Variants in S100A13 observed in about 807,000 individuals in gnomAD.
The protein encoded by S100A13 is protein S100-A13.
In S100A13, 6 loss-of-function variants were observed where a neutral mutation model predicts 8.2. The observed-to-expected ratio is 0.73, with a 90% CI of 0.40 to 1.44. The LOEUF is 1.44. S100A13 is among the 40% of genes most tolerant of loss of function. The pLI, the probability that S100A13 is intolerant of heterozygous loss-of-function variation, is 0.02. For missense variants in S100A13, 114 were observed against 113.6 expected (o/e 1.00, Z -0.02); for synonymous variants, 39 against 45.9 (o/e 0.85, Z 0.61).
At chr1:153,623,977 G>C (rs1667444019) in intron 2 of S100A13, among the ~76,000 whole-genome samples, 1 of 152,190 alleles carries the variant, frequency 6.6e-6, no homozygotes, top group Non-Finnish European at 1.5e-5. Flanking sequence ...ATTACAATTA[G>C]AAGCCTTAGA....
At chr1:153,627,656 C>CG (rs1269144083), upstream of S100A13, 1 of 171,334 alleles carries the variant, frequency 5.8e-6, no homozygotes, top group African/African-American at 2.4e-5. Context: ...GGTCTGGACC[C>CG]GGGCTCCCTG....
At chr1:153,619,068 T>G (rs1357613005) in intron 2 of S100A13, 30 bp from the exon 3 acceptor site, 12 of 1,601,838 alleles carry the variant, frequency 7.5e-6, no homozygotes, top group Non-Finnish European at 9.4e-6. Flanking sequence ...AAGGGTAGAG[T>G]TAGAAACTGG....
In S100A13 at chr1:153,619,024, AAG is replaced by A. The variant is rs772924313; in HGVS notation, c.166_167del (p.Leu56Ter). ...LPHLLKDVGS[L>X]DEKMKSLDVN... Reference sequence around the variant, plus strand: ...CATCCAAGCTCTTCATCTTCTCATCAAGAGAGCCCACATCCTGAGGAGACACC... The same window carrying A: ...CATCCAAGCTCTTCATCTTCTCATCAAGAGCCCACATCCTGAGGAGACACC... On this transcript the variant is annotated frameshift_variant, in exon 3 of 3. Coordinates refer to ENST00000476133, the MANE Select transcript of S100A13 (RefSeq NM_001024211.2). LOFTEE classifies it high-confidence loss of function. The A allele has an allele frequency of 6.2e-7, 1 of 1,613,894 alleles. No homozygotes were observed. Among genetic ancestry groups the A allele is most frequent in the Non-Finnish European group, 8.5e-7 (1 of 1,179,874 alleles).
At chr1:153,619,340 G>T (rs1442942019) in intron 2 of S100A13, among the ~76,000 whole-genome samples, 1 of 152,196 alleles carries the variant, frequency 6.6e-6, no homozygotes, top group Non-Finnish European at 1.5e-5. Flanking sequence ...AAGCTGGAAA[G>T]AAATCCACAC....
intron 2 of S100A13, among the ~76,000 whole-genome samples, chr1:153,621,483 A>G (rs1169135107): frequency 1.3e-5 from 2 of 150,916 alleles, no homozygotes. Flanking sequence ...ACATTATAAA[A>G]TGTTACTGGC....
At chr1:153,627,947 G>C, upstream of S100A13, 2 of 1,312,976 alleles carry the variant, frequency 1.5e-6, no homozygotes, top group Non-Finnish European at 2.1e-6. Context: ...CCCAGGCTGA[G>C]GCCCCACACA....
chr1:153,628,608 C>G, upstream of S100A13: 1 of 1,463,220 alleles, frequency 6.8e-7, no homozygotes, highest in Non-Finnish European at 9.1e-7. Context: ...CACTGAGGAT[C>G]TGGGAGGAGT....
At chr1:153,633,822 C>G (rs1338516688), upstream of S100A13, 3 of 152,356 alleles carry the variant, frequency 2.0e-5, no homozygotes, top group East Asian at 5.8e-4. Context: ...ATAACTACCC[C>G]CAAGAGGTTG....
upstream of S100A13, chr1:153,631,669 A>C (rs751459782): frequency 6.2e-7 from 1 of 1,612,964 alleles, no homozygotes; most frequent in African/African-American, 1.3e-5. Flanking sequence ...TTCCCTATAC[A>C]CCTCCCTCTT....
At chr1:153,630,716 G>T (rs1393518256), upstream of S100A13, 2 of 1,594,720 alleles carry the variant, frequency 1.3e-6, no homozygotes, top group Admixed American at 1.7e-5. Flanking sequence ...GGGGGAATGG[G>T]GTGGACACCC....
upstream of S100A13, chr1:153,631,988 C>T (rs1358354067): frequency 2.4e-5 from 19 of 785,280 alleles, no homozygotes; most frequent in South Asian, 5.6e-5. Context: ...GCAAGAGTAG[C>T]GGTCCAAGCC....
upstream of S100A13, chr1:153,630,594 G>C: frequency 1.2e-6 from 2 of 1,614,258 alleles, no homozygotes; most frequent in Non-Finnish European, 1.7e-6. Context: ...CAAAGAGGGG[G>C]ACAAGTACAA....
intron 2 of S100A13, among the ~76,000 whole-genome samples, chr1:153,620,073 G>A (rs918720848): frequency 6.6e-6 from 1 of 152,050 alleles, no homozygotes; most frequent in Admixed American, 6.6e-5. Context: ...GATCACTTGA[G>A]GTCAGGAGTT....
chr1:153,628,299 C>T, upstream of S100A13: 1 of 1,513,914 alleles, frequency 6.6e-7, no homozygotes, highest in Non-Finnish European at 8.9e-7. Context: ...CTGTTCCAGC[C>T]CAGGAGACAG....
upstream of S100A13, chr1:153,630,707 G>A (rs186211126): frequency 2.9e-5 from 47 of 1,603,518 alleles, no homozygotes; most frequent in Non-Finnish European, 2.6e-5. Flanking sequence ...GTGAAGGTTG[G>A]GGGAATGGGG....
upstream of S100A13, chr1:153,631,739 G>A (rs1668020283): frequency 6.2e-7 from 1 of 1,614,122 alleles, no homozygotes; most frequent in Non-Finnish European, 8.5e-7. Flanking sequence ...TGATGAAGGA[G>A]CTAGACGAGA....
At chr1:153,633,822 C>T (rs1338516688), upstream of S100A13, 1 of 152,238 alleles carries the variant, frequency 6.6e-6, no homozygotes, top group African/African-American at 2.4e-5. Flanking sequence ...ATAACTACCC[C>T]CAAGAGGTTG....
intron 2 of S100A13, among the ~76,000 whole-genome samples, chr1:153,622,008 C>T (rs1302610423): frequency 2.6e-5 from 4 of 152,064 alleles, no homozygotes; most frequent in African/African-American, 7.2e-5. Context: ...ACACAGGCAT[C>T]GCATGAAGTG....
At chr1:153,630,563 C>T (rs765754648), upstream of S100A13, 32 of 1,614,144 alleles carry the variant, frequency 2.0e-5, no homozygotes, top group East Asian at 4.5e-5. Flanking sequence ...CCCTCATCAA[C>T]GTGTTCCACG....
Sources: allele counts gnomAD v4.1 joint callset (sites outside exome capture counted in the v4.1 genomes callset), GRCh38; gene constraint gnomAD v4.1.1; transcripts MANE v1.5; gene names NCBI Gene and HGNC (gene_info 2026-07-23, HGNC 2026-07-21).